The following PDGFA variants were observed in gnomAD, a reference collection of about 807,000 sequenced individuals.
The protein encoded by PDGFA is platelet derived growth factor subunit A.
Under a neutral mutation model 25.6 loss-of-function variants are expected in PDGFA, and 9 were observed. The ratio of observed to expected loss-of-function variants is 0.35; its 90% confidence interval spans 0.21 to 0.61. PDGFA has a LOEUF of 0.61. Among genes scored for constraint, PDGFA ranks in the 20% least tolerant of loss-of-function variants. The pLI, the probability that PDGFA is intolerant of heterozygous loss-of-function variation, is 0.75. For synonymous variants in PDGFA, 133 were observed against 111.8 expected (o/e 1.19, Z -1.20); for missense variants, 242 against 272.8 (o/e 0.89, Z 0.79).
chr7:499,080 T>A (rs1311199051), intron 5 of PDGFA, among the ~76,000 whole-genome samples: 1 of 152,220 alleles, frequency 6.6e-6, no homozygotes, highest in Non-Finnish European at 1.5e-5. Flanking sequence ...ACACGTGGGC[T>A]GCCTATAGGC....
chr7:510,432 G>A (rs909583154), intron 4 of PDGFA, among the ~76,000 whole-genome samples: 43 of 150,706 alleles, frequency 2.9e-4, no homozygotes, highest in African/African-American at 1.0e-3. Flanking sequence ...CCTGGATGCT[G>A]CAGTGTTGGA....
At chr7:497,869 T>TAAAAAAAAAAA (rs377428492) in exon 6 of PDGFA, 1 of 24,972 alleles carries the variant, frequency 4.0e-5, no homozygotes, top group Non-Finnish European at 6.5e-5. Context: ...AAGAGATAAT[T>TAAAAAAAAAAA]AAAAAAAAAA....
intron 2 of PDGFA, chr7:512,753 G>A (rs1458617839): frequency 1.9e-6 from 2 of 1,055,638 alleles, no homozygotes; most frequent in African/African-American, 1.6e-5. Context: ...GGAAGAGGTT[G>A]CAGGTGGTCT....
chr7:518,943 G>T (rs1401446712), exon 1 of PDGFA: 1 of 1,526,784 alleles, frequency 6.5e-7, no homozygotes, highest in African/African-American at 1.4e-5. Flanking sequence ...ACCAACCTCG[G>T]CCAGAACATG....
chr7:518,589 G>T (rs1445234759), intron 1 of PDGFA: 4 of 264,396 alleles, frequency 1.5e-5, no homozygotes, highest in African/African-American at 6.6e-5. Flanking sequence ...CCCAGGCTCC[G>T]CCGGCTCACA....
rs376043670 is a variant in PDGFA, at chr7:500,948, G to A, written c.580+168C>T. 7.6e-5 allele frequency: 121 copies of A among 1,593,522 alleles called. No individual in the cohort carries two copies. In the African/African-American group the frequency reaches 9.6e-4, roughly 13 times the overall value. On this transcript the variant is annotated intron_variant, in intron 5 of 5. Transcript: ENST00000402802. The surrounding 1 kb of genome is among the most constrained non-coding windows in gnomAD (Gnocchi z 5.0). ...CCGGACACCTGCAGGTGTGGGATCC[G>A]TCTCCCCCGCAGGCATCTGGCCCGG...
chr7:513,131 G>T (rs1782938586), intron 2 of PDGFA: 1 of 156,444 alleles, frequency 6.4e-6, no homozygotes, highest in Non-Finnish European at 1.4e-5. Context: ...GCTACACGGA[G>T]GAGTTCCCGC....
chr7:500,498 T>G lies in PDGFA; in HGVS notation c.580+618A>C, dbSNP rs1284590435. 4 of 1,614,028 alleles carry G rather than the reference T, an allele frequency of 2.5e-6. No individual in the cohort carries two copies. In the Admixed American group the frequency reaches 6.7e-5, roughly 27 times the overall value. On this transcript the variant is annotated intron_variant, in intron 5 of 5. Transcript: ENST00000402802. This position sits in a 1 kb window ranked among gnomAD's most constrained non-coding sequence, Gnocchi z 5.0. ...GTTTTTTACCTGACTCCCTAGGCCTTCCTGTTAACAAAAGGGCAGGGCGGT... is the reference window on the plus strand; with the variant it reads ...GTTTTTTACCTGACTCCCTAGGCCTGCCTGTTAACAAAAGGGCAGGGCGGT...
At position 519,203 on chromosome 7, in the gene PDGFA, A is replaced by C. The variant is rs1783251172; in HGVS notation, c.-202T>G. Reference sequence around the variant, plus strand: ...GAGGCAGGCAGCGCCAGCCAGGAGGAGGAGAAACAGGGAGTGCGCGCCCGC... The same window carrying C: ...GAGGCAGGCAGCGCCAGCCAGGAGGCGGAGAAACAGGGAGTGCGCGCCCGC... On this transcript the variant is annotated 5_prime_UTR_variant, in exon 1 of 6. Coordinates refer to ENST00000402802, the Ensembl canonical transcript of PDGFA. 1.6e-5 allele frequency: 4 copies of C among 256,030 alleles called. No individual in the cohort carries two copies. The South Asian group carries it at 2.1e-4, about 14-fold the overall frequency. 15.9% of individuals were successfully genotyped at this position (256,030 alleles called of 1,614,324 possible).
intron 4 of PDGFA, among the ~76,000 whole-genome samples, chr7:504,200 C>A (rs889696374): frequency 6.6e-6 from 1 of 152,120 alleles, no homozygotes; most frequent in Non-Finnish European, 1.5e-5. Flanking sequence ...AACCAACCCA[C>A]CCCCTGGTCC....
intron 5 of PDGFA, among the ~76,000 whole-genome samples, chr7:498,814 G>A (rs929134337): frequency 1.8e-4 from 27 of 152,230 alleles, no homozygotes; most frequent in African/African-American, 5.8e-4. Context: ...TAGAGACCAA[G>A]CCCCATTCTC....
chr7:502,770 A>T (rs376452233), intron 4 of PDGFA, among the ~76,000 whole-genome samples: 1 of 109,758 alleles, frequency 9.1e-6, no homozygotes, highest in Non-Finnish European at 1.8e-5. Flanking sequence ...GCAAGAAATC[A>T]CACACACACA....
chr7:502,683 C>T (rs558626172), intron 4 of PDGFA, among the ~76,000 whole-genome samples: 2 of 152,076 alleles, frequency 1.3e-5, no homozygotes, highest in Non-Finnish European at 2.9e-5. Context: ...CTCCACAGCC[C>T]CTTCCCCGGG....
In PDGFA at chr7:500,268, G is replaced by A. The variant is rs542184171; in HGVS notation, c.580+848C>T. On this transcript the variant is annotated intron_variant, in intron 5 of 5. Coordinates refer to ENST00000402802, the Ensembl canonical transcript of PDGFA. This position sits in a 1 kb window ranked among gnomAD's most constrained non-coding sequence, Gnocchi z 5.0. ...CCAGGGCGTTCTGCGAGGCAGGAGC[G>A]GACGGGGAGCAAGGAGACCCAAGCC... 7.4e-4 allele frequency among the ~76,000 whole-genome samples: 112 copies of A among 152,320 alleles called. 1 individual carries two copies. Among genetic ancestry groups the A allele is most frequent in the Admixed American group, 2.0e-4 (3 of 15,306 alleles).
intron 4 of PDGFA, among the ~76,000 whole-genome samples, chr7:510,534 G>A (rs1371691027): frequency 1.5e-5 from 2 of 132,786 alleles, no homozygotes; most frequent in Non-Finnish European, 3.2e-5. Context: ...ACGCTGCGGT[G>A]GTGGACGCGG....
In PDGFA at chr7:518,925, G is replaced by C; in HGVS notation, c.63+14C>G. ...GGAGCCGGCGCAGGGACGGGGCGCG[G>C]GGGCGGCACCAACCTCGGCCAGAAC... On this transcript the variant is annotated intron_variant, in intron 1 of 5. Transcript: ENST00000402802. The C allele has an allele frequency of 6.6e-7, 1 of 1,509,758 alleles. No individual in the cohort carries two copies. The highest frequency in any genetic ancestry group is 8.8e-7 in the Non-Finnish European group (1 of 1,130,140). The allele number at this position is 1,509,758 out of a possible 1,614,324, so 93.5% of individuals were successfully genotyped here. A position where few individuals can be genotyped will look rare whatever the true frequency, so the allele number is the denominator to read the frequency against.
Position 513,521 on chromosome 7 carries a change from C to CCA in PDGFA, c.161-1067_161-1066insTG, listed in dbSNP as rs1362644810. 3.9e-5 allele frequency: 6 copies of CCA among 152,018 alleles called. No individual in the cohort carries two copies. The East Asian group carries it at 9.7e-4, about 25-fold the overall frequency. 9.4% of individuals were successfully genotyped at this position (152,018 alleles called of 1,614,324 possible). On this transcript the variant is annotated intron_variant, in intron 2 of 5. Transcript: ENST00000402802. Reference sequence around the variant, plus strand: ...TCTTCCCATCTCCCTCCATCCTGCCCCCCCCACCATATAACCAAGGGTGAA... The same window carrying CCA: ...TCTTCCCATCTCCCTCCATCCTGCCCCACCCCCACCATATAACCAAGGGTGAA...
chr7:514,295 C>T (rs530188010), intron 2 of PDGFA, among the ~76,000 whole-genome samples: 6 of 152,166 alleles, frequency 3.9e-5, no homozygotes, highest in African/African-American at 1.2e-4. Context: ...CCCCGTGCCC[C>T]GCCACCCTCT....
chr7:512,267 AC>A, intron 3 of PDGFA, 83 bp downstream of exon 3: 2 of 1,245,282 alleles, frequency 1.6e-6, no homozygotes, highest in Non-Finnish European at 2.2e-6. Context: ...GCTCCTCCCC[AC>A]CCGGCCCTGC....
Sources: gnomAD v4.1 joint callset for allele counts (sites outside exome capture counted in the v4.1 genomes callset) on GRCh38, gnomAD v4.1.1 for gene constraint, Gnocchi (gnomAD v3.1) non-coding constraint, MANE v1.5 for transcripts, NCBI Gene and HGNC (gene_info 2026-07-23, HGNC 2026-07-21) for gene names.